ROBO2: variants seen among roughly 807,000 people sequenced by gnomAD.
ROBO2 encodes roundabout homolog 2.
ROBO2 carries 53 observed loss-of-function variants against 160.8 expected under a neutral mutation model. The observed-to-expected ratio is 0.33, with a 90% CI of 0.26 to 0.41. The LOEUF (loss-of-function observed/expected upper bound fraction) is 0.41. ROBO2 is among the 10% of genes least tolerant of loss of function. The probability of loss-of-function intolerance (pLI) is 1.00; values close to 1 mark genes in which losing one functional copy is unlikely to be tolerated. For missense variants in ROBO2, 1,577 were observed against 1,722.4 expected (o/e 0.92, Z 1.49); for synonymous variants, 664 against 611.7 (o/e 1.09, Z -1.26).
chr3:77,282,687 T>C (rs2060319093), intron 2 of ROBO2, among the ~76,000 whole-genome samples: 1 of 152,130 alleles, frequency 6.6e-6, no homozygotes, highest in African/African-American at 2.4e-5. Flanking sequence ...AAACATTATA[T>C]CTGCACAAAG....
chr3:76,941,681 G>C (rs2078198536), intron 2 of ROBO2, among the ~76,000 whole-genome samples: 1 of 152,154 alleles, frequency 6.6e-6, no homozygotes, highest in Non-Finnish European at 1.5e-5. Context: ...CTTATACCCA[G>C]TAACTTTCCC....
intron 2 of ROBO2, among the ~76,000 whole-genome samples, chr3:77,288,276 G>A (rs184887680): frequency 1.6e-4 from 25 of 152,178 alleles, no homozygotes; most frequent in Admixed American, 1.6e-3. Context: ...GGGTAGGAGA[G>A]AATAGAGGTA....
chr3:76,224,576 C>G (rs1704169500), intron 2 of ROBO2, among the ~76,000 whole-genome samples: 1 of 152,186 alleles, frequency 6.6e-6, no homozygotes, highest in Admixed American at 6.5e-5. Context: ...TCTAAAACTA[C>G]TGTCACAGAC....
intron 2 of ROBO2, among the ~76,000 whole-genome samples, chr3:77,253,089 G>A (rs1303661817): frequency 1.3e-5 from 2 of 151,806 alleles, no homozygotes; most frequent in African/African-American, 4.8e-5. Context: ...GACACCACAG[G>A]GTAAGGGTTC....
intron 2 of ROBO2, among the ~76,000 whole-genome samples, chr3:76,188,854 T>C: frequency 6.6e-6 from 1 of 152,050 alleles, no homozygotes; most frequent in Non-Finnish European, 1.5e-5. Flanking sequence ...ATGCATTATT[T>C]GCTATAAACA....
intron 2 of ROBO2, among the ~76,000 whole-genome samples, chr3:76,097,598 A>T (rs2069506597): frequency 6.6e-6 from 1 of 152,180 alleles, no homozygotes; most frequent in Non-Finnish European, 1.5e-5. Flanking sequence ...CAAAGAGTGG[A>T]GGTTTAGTGG....
intron 2 of ROBO2, among the ~76,000 whole-genome samples, chr3:77,011,182 T>TCTTC (rs77321539): frequency 6.7e-6 from 1 of 149,858 alleles, no homozygotes; most frequent in Non-Finnish European, 1.5e-5. Context: ...ATCCTTCCTT[T>TCTTC]CTTCCTTCCT....
At chr3:77,111,024 A>C (rs116461416) in intron 2 of ROBO2, among the ~76,000 whole-genome samples, 1 of 152,188 alleles carries the variant, frequency 6.6e-6, no homozygotes, top group African/African-American at 2.4e-5. Context: ...AAAATAACGA[A>C]GGAGAAAATC....
At chr3:77,099,671 T>C (rs1347348809) in intron 2 of ROBO2, among the ~76,000 whole-genome samples, 1 of 152,164 alleles carries the variant, frequency 6.6e-6, no homozygotes, top group Non-Finnish European at 1.5e-5. Flanking sequence ...AATATCTAAT[T>C]TTGGAAACTT....
intron 2 of ROBO2, among the ~76,000 whole-genome samples, chr3:76,047,374 C>G (rs2067485891): frequency 1.3e-5 from 2 of 152,192 alleles, no homozygotes; most frequent in Admixed American, 1.3e-4. Flanking sequence ...TTCATTAAAG[C>G]TAATATTCAT....
rs144989262 is a variant in ROBO2 at position 77,075,164 on chromosome 3, A to G, written c.62-22850A>G. Among the ~76,000 whole-genome samples, 368 of 152,298 alleles carry G rather than the reference A, an allele frequency of 2.4e-3. 2 individuals are homozygous for G. Among genetic ancestry groups the G allele is most frequent in the African/African-American group, 8.1e-3 (338 of 41,566 alleles). ...ATTATAATTTATATGTTGACATTCC[A>G]TATTAGCATTATAGAACAACCGACC... On this transcript the variant is annotated intron_variant, in intron 1 of 25. Coordinates refer to ENST00000461745, the Ensembl canonical transcript of ROBO2.
chr3:76,966,128 G>A lies in ROBO2; in HGVS notation c.110-131886G>A, dbSNP rs548505472. Among the ~76,000 whole-genome samples the A allele has an allele frequency of 5.3e-5, 8 of 151,750 alleles. No individual in the cohort carries two copies. The East Asian group carries it at 1.6e-3, about 30-fold the overall frequency. ...GTAGAGACGGGGTTTCTCCATGTTG[G>A]TCAGGCTGGTCTCGAACTCCCAGCC... On this transcript the variant is annotated intron_variant, in intron 2 of 26. Transcript: ENST00000487694.
intron 2 of ROBO2, among the ~76,000 whole-genome samples, chr3:76,707,026 A>G (rs567940442): frequency 2.0e-5 from 3 of 151,902 alleles, no homozygotes; most frequent in Non-Finnish European, 4.4e-5. Flanking sequence ...ACATATATAT[A>G]TATATTCTAA....
At chr3:76,411,062 G>T (rs2075461149) in intron 2 of ROBO2, among the ~76,000 whole-genome samples, 1 of 151,804 alleles carries the variant, frequency 6.6e-6, no homozygotes, top group South Asian at 2.1e-4. Flanking sequence ...AGTACTTGGG[G>T]GCATGCTATT....
intron 2 of ROBO2, among the ~76,000 whole-genome samples, chr3:76,866,913 A>C (rs889465860): frequency 3.9e-5 from 6 of 152,064 alleles, no homozygotes; most frequent in Admixed American, 3.3e-4. Context: ...GCCTCATCTT[A>C]CTCATTTAAT....
chr3:77,121,766 G>A (rs2074798495), intron 2 of ROBO2, among the ~76,000 whole-genome samples: 1 of 151,936 alleles, frequency 6.6e-6, no homozygotes, highest in African/African-American at 2.4e-5. Context: ...CTAAGTGTCA[G>A]TTTTCTCTAT....
At chr3:76,049,558 A>G (rs1400549940) in intron 2 of ROBO2, among the ~76,000 whole-genome samples, 3 of 151,412 alleles carry the variant, frequency 2.0e-5, no homozygotes, top group Non-Finnish European at 4.4e-5. Flanking sequence ...GCGTTCCTTT[A>G]GTGTATATGT....
At chr3:76,444,195 G>C (rs1418254618) in intron 2 of ROBO2, among the ~76,000 whole-genome samples, 1 of 152,044 alleles carries the variant, frequency 6.6e-6, no homozygotes, top group Non-Finnish European at 1.5e-5. Context: ...GGTCAGGCTG[G>C]TCTCAAGCTC....
In ROBO2 at chr3:76,143,819, G is replaced by A. The variant is rs113281232; in HGVS notation, c.109+206217G>A. On this transcript the variant is annotated intron_variant, in intron 2 of 26. Coordinates refer to the ROBO2 transcript ENST00000487694. ...CTCAGTCGACAACCTGGGGACCTAG[G>A]AGAGTTGATGGTACAGTTCCCGTCT... Among the ~76,000 whole-genome samples, 268 of 152,182 alleles carry A rather than the reference G, an allele frequency of 1.8e-3. 1 individual carries two copies. The highest frequency in any genetic ancestry group is 6.1e-3 in the African/African-American group (252 of 41,558).
Sources: gnomAD v4.1 joint callset for allele counts (sites outside exome capture counted in the v4.1 genomes callset) on GRCh38, gnomAD v4.1.1 for gene constraint, MANE v1.5 for transcripts, NCBI Gene and HGNC (gene_info 2026-07-23, HGNC 2026-07-21) for gene names.